The following ABRAXAS1 variants were observed in gnomAD, a reference collection of about 807,000 sequenced individuals.
ABRAXAS1 encodes the protein BRCA1-A complex subunit Abraxas 1.
In ABRAXAS1, 26 loss-of-function variants were observed where a neutral mutation model predicts 38.4. The ratio of observed to expected loss-of-function variants is 0.68; its 90% CI spans 0.50 to 0.94. The LOEUF (loss-of-function observed/expected upper bound fraction) is 0.94. ABRAXAS1 is among the 40% of genes least tolerant of loss of function. The pLI is 0.00. For synonymous variants in ABRAXAS1, 144 were observed against 165.5 expected (o/e 0.87, Z 1.00); for missense variants, 438 against 481.9 (o/e 0.91, Z 0.85).
Position 83,469,939 on chromosome 4 carries a change from G to C in ABRAXAS1, c.476+264C>G, listed in dbSNP as rs7660276. ...CCTTTATCAATCAATTAAAAAAAAA[G>C]TTTTTTTCCACCTTAAGTAGTAAAT... On this transcript the variant is annotated intron_variant, in intron 5 of 8. Transcript: ENST00000321945. The C allele has an allele frequency of 0.057, 15,917 of 276,942 alleles. 2,335 individuals carry two copies. The highest frequency in any genetic ancestry group is 0.32 in the African/African-American group (14,511 of 45,528). The allele number at this position is 276,942 out of a possible 1,614,324, so 17.2% of individuals were successfully genotyped here. A position where few individuals can be genotyped will look rare whatever the true frequency, so the allele number is the denominator to read the frequency against.
Position 83,462,327 on chromosome 4 carries a change from T to G in ABRAXAS1, c.*142A>C. On this transcript the variant is annotated 3_prime_UTR_variant, in exon 9 of 9. Transcript: ENST00000321945. ...CTTTGTGAAGTAAATGCACTAAGAG[T>G]TATCTGTGTATTACTGCAAACAGGT... 1.4e-6 allele frequency: 1 copy of G among 692,522 alleles called. No homozygotes were observed. The allele number at this position is 692,522 out of a possible 1,614,324, so 42.9% of individuals were successfully genotyped here.
rs747750517 is a variant in ABRAXAS1, at chr4:83,461,188, T to G, written c.*1281A>C. 8.1e-6 allele frequency: 13 copies of G among 1,611,878 alleles called. No homozygotes were observed. Among genetic ancestry groups the G allele is most frequent in the Non-Finnish European group, 9.3e-6 (11 of 1,179,344 alleles). ...ACCCTAAAGTTTGTAACATCAGATA[T>G]CGGGAATAAATTCTATCACGTTACC... On this transcript the variant is annotated 3_prime_UTR_variant, in exon 9 of 9. Transcript: ENST00000321945.
At chr4:83,484,083 G>A (rs1276352711) in intron 1 of ABRAXAS1, 4 of 948,630 alleles carry the variant, frequency 4.2e-6, no homozygotes, top group Non-Finnish European at 5.0e-6. Context: ...GTCCCCGATG[G>A]TCTCGAACTC....
intron 6 of ABRAXAS1, 82 bp from the exon 7 acceptor site, chr4:83,467,620 C>A: frequency 1.3e-6 from 1 of 745,116 alleles, no homozygotes; most frequent in Admixed American, 2.4e-5. Flanking sequence ...TTGTCAAGGA[C>A]CAATAGAAGA....
intron 3 of ABRAXAS1, among the ~76,000 whole-genome samples, chr4:83,474,180 T>TAAAA (rs1553937203): frequency 8.1e-5 from 12 of 148,762 alleles, no homozygotes; most frequent in South Asian, 2.1e-4. Flanking sequence ...AATAAATAAA[T>TAAAA]AAAATCTCTA....
At chr4:83,463,450 T>A (rs1722223692) in intron 8 of ABRAXAS1, 44 bp downstream of exon 8, 13 of 1,376,278 alleles carry the variant, frequency 9.4e-6, no homozygotes, top group Non-Finnish European at 1.3e-5. Context: ...AATAAATAAA[T>A]AAAAATTTTT....
At position 83,469,152 on chromosome 4, in the gene ABRAXAS1, C is replaced by G. The variant is rs1322989143; in HGVS notation, c.477-1G>C. On this transcript the variant is annotated splice_acceptor_variant, in intron 5 of 8. Coordinates refer to ENST00000321945, the MANE Select transcript of ABRAXAS1 (RefSeq NM_139076.3). LOFTEE classifies it high-confidence loss of function. Reference sequence around the variant, plus strand: ...CACTAAAGGTACCCTGTGAAAAAGTCTGACAAAATAAAACTTTAGAGTATA... The same window carrying G: ...CACTAAAGGTACCCTGTGAAAAAGTGTGACAAAATAAAACTTTAGAGTATA... 6.2e-7 allele frequency: 1 copy of G among 1,612,734 alleles called. No homozygotes were observed. The highest frequency in any genetic ancestry group is 1.3e-5 in the African/African-American group (1 of 74,808).
chr4:83,480,592 TATA>T (rs924789389), intron 2 of ABRAXAS1, among the ~76,000 whole-genome samples: 1 of 152,156 alleles, frequency 6.6e-6, no homozygotes, highest in Non-Finnish European at 1.5e-5. Context: ...TACAAACTGA[TATA>T]ATCTTTCCGG....
chr4:83,459,836 C>A lies in ABRAXAS1; in HGVS notation c.*2633G>T. On this transcript the variant is annotated 3_prime_UTR_variant, in exon 9 of 9. Transcript: ENST00000321945. The stretch of plus-strand genomic sequence containing the variant: ...TATTATGGGAATATAAATGTAGATA[C>A]GAATTATATCAATCTATTTCTATCA... The A allele has an allele frequency of 6.8e-7, 1 of 1,459,882 alleles. No homozygotes were observed. Among genetic ancestry groups the A allele is most frequent in the Non-Finnish European group, 9.5e-7 (1 of 1,058,022 alleles). 90.4% of individuals were successfully genotyped at this position (1,459,882 alleles called of 1,614,324 possible).
Position 83,462,340 on chromosome 4 carries a change from A to G in ABRAXAS1, c.*129T>C, listed in dbSNP as rs1216244446. ...ATGCACTAAGAGTTATCTGTGTATT[A>G]CTGCAAACAGGTGAACATAGTAAAA... On this transcript the variant is annotated 3_prime_UTR_variant, in exon 9 of 9. Coordinates refer to ENST00000321945, the MANE Select transcript of ABRAXAS1 (RefSeq NM_139076.3). The G allele has an allele frequency of 1.3e-6, 1 of 764,454 alleles. No homozygotes were observed. The highest frequency in any genetic ancestry group is 2.1e-6 in the Non-Finnish European group (1 of 466,710). The allele number at this position is 764,454 out of a possible 1,614,324, so 47.4% of individuals were successfully genotyped here.
intron 7 of ABRAXAS1, among the ~76,000 whole-genome samples, chr4:83,466,361 A>T (rs1265946104): frequency 6.6e-6 from 1 of 152,166 alleles, no homozygotes; most frequent in Non-Finnish European, 1.5e-5. Context: ...CATGAAGAAG[A>T]ACTGACACAT....
chr4:83,467,730 AC>A (rs1042069739), intron 6 of ABRAXAS1, among the ~76,000 whole-genome samples, 192 bp from the exon 7 acceptor site: 19 of 152,182 alleles, frequency 1.2e-4, no homozygotes, highest in Non-Finnish European at 2.6e-4. Flanking sequence ...ACATTAGCAA[AC>A]TTTTTAGCCT....
intron 6 of ABRAXAS1, 146 bp downstream of exon 6, chr4:83,468,886 G>C: frequency 1.2e-6 from 1 of 850,264 alleles, no homozygotes; most frequent in East Asian, 2.5e-5. Context: ...AGCAGTAACA[G>C]GAGTATGAGG....
chr4:83,466,536 CT>C (rs1722361772), intron 7 of ABRAXAS1, among the ~76,000 whole-genome samples: 1 of 140,058 alleles, frequency 7.1e-6, no homozygotes, highest in Admixed American at 8.0e-5. Flanking sequence ...TGAATTTCCA[CT>C]AGTTTTTTTT....
In ABRAXAS1 at chr4:83,472,270, G is replaced by T. The variant is rs765721350; in HGVS notation, c.234C>A (p.Gly78=). 5 of 1,519,838 alleles carry T rather than the reference G, an allele frequency of 3.3e-6. No homozygotes were observed. The highest frequency in any genetic ancestry group is 4.4e-6 in the Non-Finnish European group (5 of 1,133,110). The allele number at this position is 1,519,838 out of a possible 1,614,324, so 94.1% of individuals were successfully genotyped here. Residue 78 remains glycine, a synonymous_variant, in exon 4 of 9, where the codon GGC becomes GGA. Transcript: ENST00000321945. ...YQLFSFYNSS[G]EVNEQALKKI... is the part of the protein sequence containing the mutation. ...TCTTCAGTGCTTGCTCATTTACTTC[G>T]CCTGAAGAATTATAAAAGCTGTAAA...
chr4:83,462,767 C>G lies in ABRAXAS1; in HGVS notation c.932G>C (p.Cys311Ser), dbSNP rs761761558. 1.2e-6 allele frequency: 2 copies of G among 1,613,962 alleles called. No individual in the cohort carries two copies. The highest frequency in any genetic ancestry group is 2.2e-5 in the South Asian group (2 of 91,050). ...TACATCGAGATGGTGGTTGTAGTTA[C>G]AGCTACTTTTAGAAACATGTCTATT... is the stretch of plus-strand genomic sequence containing the variant. The part of the protein sequence containing the change: ...LKNRHVSKSS[C>S]NYNHHLDVVD... The change falls in exon 9 of 9, where the codon TGT becomes TCT. Residue 311 changes from cysteine (C) to serine (S), a missense_variant. Coordinates refer to ENST00000321945, the MANE Select transcript of ABRAXAS1 (RefSeq NM_139076.3).
chr4:83,467,435 G>GT lies in ABRAXAS1; in HGVS notation c.681+18dup. The GT allele has an allele frequency of 7.6e-7, 1 of 1,312,018 alleles. No homozygotes were observed. The highest frequency in any genetic ancestry group is 1.1e-6 in the Non-Finnish European group (1 of 910,494). The allele number at this position is 1,312,018 out of a possible 1,614,324, so 81.3% of individuals were successfully genotyped here. ...AACTCTATCTAGAAGTGGTTGACGT[G>GT]TTTGATATGTTAACTTACCTTTAAT... On this transcript the variant is annotated intron_variant, in intron 7 of 8. Transcript: ENST00000321945.
chr4:83,484,103 G>C (rs1723091868), intron 1 of ABRAXAS1: 1 of 946,484 alleles, frequency 1.1e-6, no homozygotes, highest in Non-Finnish European at 1.3e-6. Context: ...CGTGGGCTCA[G>C]GTGATTCACC....
chr4:83,462,537 GGCT>G lies in ABRAXAS1; in HGVS notation c.1159_1161del (p.Ser387del). On this transcript the variant is annotated inframe_deletion, in exon 9 of 9. Transcript: ENST00000321945. Reference sequence around the variant, plus strand: ...TTTTCAATTTCTTCATCTGTTTCTGGGCTGCTCATTTTGGATGCTTTATCTTGG... The same window carrying G: ...TTTTCAATTTCTTCATCTGTTTCTGGGCTCATTTTGGATGCTTTATCTTGG... 6.2e-7 allele frequency: 1 copy of G among 1,613,958 alleles called. No individual in the cohort carries two copies. The highest frequency in any genetic ancestry group is 8.5e-7 in the Non-Finnish European group (1 of 1,180,002).
Sources: allele counts gnomAD v4.1 joint callset (sites outside exome capture counted in the v4.1 genomes callset), GRCh38; gene constraint gnomAD v4.1.1; transcripts MANE v1.5; gene names NCBI Gene and HGNC (gene_info 2026-07-23, HGNC 2026-07-21).